The following TATDN2 variants were observed in gnomAD, a reference collection of about 807,000 sequenced individuals.
The protein encoded by TATDN2 is TatD DNase domain containing 2.
In TATDN2, 44 loss-of-function variants were observed where a neutral mutation model predicts 60.3. The observed-to-expected ratio is 0.73, with a 90% confidence interval of 0.57 to 0.94. The LOEUF is 0.94. TATDN2 is among the 40% of genes least tolerant of loss of function. The probability of loss-of-function intolerance (pLI) is 0.00; values close to 1 mark genes in which losing one functional copy is unlikely to be tolerated. For synonymous variants in TATDN2, 399 were observed against 355.8 expected (o/e 1.12, Z -1.37); for missense variants, 997 against 948.0 (o/e 1.05, Z -0.68).
At chr3:10,261,533 C>G (rs978654478) in intron 3 of TATDN2, among the ~76,000 whole-genome samples, 1 of 151,974 alleles carries the variant, frequency 6.6e-6, no homozygotes, top group Admixed American at 6.6e-5. Context: ...ACCAAACCGG[C>G]TAATTTTTGT....
Position 10,278,354 on chromosome 3 carries a change from G to A in TATDN2, c.2037G>A (p.Thr679=), listed in dbSNP as rs766522508. The stretch of plus-strand genomic sequence containing the variant: ...TTCCCAACATGTCTGTGGGCTTCAC[G>A]GCAGTGCTGACATACTCCTCTGCCT... ...KYFPNMSVGF[T]AVLTYSSAWE... Residue 679 remains threonine, a synonymous_variant, in exon 6 of 8, where the codon ACG becomes ACA. Coordinates refer to ENST00000448281, the MANE Select transcript of TATDN2 (RefSeq NM_014760.4). The surrounding 1 kb of genome is among the most constrained non-coding windows in gnomAD (Gnocchi z 4.7). 1.1e-5 allele frequency: 17 copies of A among 1,614,188 alleles called. No individual in the cohort carries two copies. Among genetic ancestry groups the A allele is most frequent in the Middle Eastern group, 1.6e-4 (1 of 6,062 alleles).
At position 10,276,492 on chromosome 3, in the gene TATDN2, A is replaced by AAC; in HGVS notation, c.1961+4_1961+5insAC. On this transcript the variant is annotated splice_donor_region_variant and intron_variant, in intron 5 of 7. Coordinates refer to ENST00000448281, the MANE Select transcript of TATDN2 (RefSeq NM_014760.4). ...CCCCTGACTACAAGATCCATAGGTT[A>AAC]GAAGACTGGAACTTCAGCGGGCAAA... 6.2e-7 allele frequency: 1 copy of AAC among 1,613,794 alleles called. No individual in the cohort carries two copies. Among genetic ancestry groups the AAC allele is most frequent in the Non-Finnish European group, 8.5e-7 (1 of 1,179,886 alleles).
chr3:10,249,450 T>G lies in TATDN2; in HGVS notation c.250T>G (p.Phe84Val). The change falls in exon 2 of 8, where the codon TTC becomes GTC. Residue 84 changes from phenylalanine (F) to valine (V), a missense_variant. Transcript: ENST00000448281. Reference protein sequence around the residue: ...SRRRNNSSSSFSPHFLGPGVG... With the variant: ...SRRRNNSSSSVSPHFLGPGVG... ...CCGCAGAAATAACTCCTCCTCCTCC[T>G]TCTCCCCACATTTCTTGGGCCCTGG... is the stretch of plus-strand genomic sequence containing the variant. The G allele has an allele frequency of 6.2e-7, 1 of 1,613,428 alleles. No homozygotes were observed. Among genetic ancestry groups the G allele is most frequent in the East Asian group, 2.2e-5 (1 of 44,878 alleles).
intron 4 of TATDN2, among the ~76,000 whole-genome samples, chr3:10,272,985 C>T (rs1361429433): frequency 6.6e-6 from 1 of 151,962 alleles, no homozygotes; most frequent in Non-Finnish European, 1.5e-5. Flanking sequence ...CTGCAGTGAC[C>T]CATGATTATG....
chr3:10,265,177 A>T (rs1698460359), intron 3 of TATDN2, among the ~76,000 whole-genome samples: 1 of 149,586 alleles, frequency 6.7e-6, no homozygotes, highest in Non-Finnish European at 1.5e-5. Flanking sequence ...CCTGGGTTCA[A>T]GCAATTCTCC....
chr3:10,276,512 G>C (rs112719528), intron 5 of TATDN2, 24 bp downstream of exon 5: 1 of 1,611,174 alleles, frequency 6.2e-7, no homozygotes, highest in Admixed American at 1.7e-5. Flanking sequence ...AACTTCAGCG[G>C]GCAAATGAAA....
intron 2 of TATDN2, among the ~76,000 whole-genome samples, chr3:10,250,391 A>G (rs1361102171): frequency 1.3e-5 from 2 of 152,004 alleles, no homozygotes; most frequent in Non-Finnish European, 2.9e-5. Context: ...AACAAAACAG[A>G]TCACTTTCCC....
At chr3:10,249,658 A>G (rs747531629) in intron 2 of TATDN2, 44 bp downstream of exon 2, 39 of 1,485,536 alleles carry the variant, frequency 2.6e-5, no homozygotes, top group Non-Finnish European at 3.2e-5. Flanking sequence ...CCCCTTCCAC[A>G]TGGCTTGAGA....
intron 4 of TATDN2, 101 bp downstream of exon 4, chr3:10,271,116 G>GA: frequency 7.0e-7 from 1 of 1,436,782 alleles, no homozygotes; most frequent in Non-Finnish European, 9.2e-7. Flanking sequence ...AAATAATTGA[G>GA]AATCCCTGAA....
rs370179145 is a variant in TATDN2, at chr3:10,265,573, T to TGGGGAGGCTGAGGCAGGATAATGG, written c.949-4557_949-4534dup. On this transcript the variant is annotated intron_variant, in intron 3 of 7. Transcript: ENST00000448281. The stretch of plus-strand genomic sequence containing the variant: ...GGCGTGCACCTGTAGTCCCAGGTGC[T>TGGGGAGGCTGAGGCAGGATAATGG]GGGGAGGCTGAGGCAGGATAATGGC... 7.9e-3 allele frequency among the ~76,000 whole-genome samples: 1,131 copies of TGGGGAGGCTGAGGCAGGATAATGG among 143,352 alleles called. 8 individuals are homozygous for TGGGGAGGCTGAGGCAGGATAATGG. The highest frequency in any genetic ancestry group is 0.029 in the South Asian group (131 of 4,568). The allele number at this position is 143,352 out of a possible 152,430, so 94.0% of individuals were successfully genotyped here.
Position 10,260,672 on chromosome 3 carries a change from T to C in TATDN2, c.948+2T>C. On this transcript the variant is annotated splice_donor_variant, in intron 3 of 7. Transcript: ENST00000448281. LOFTEE classifies it high-confidence loss of function. ...GACTCTCATTTAGAAATCCAAAAGG[T>C]GAGTAAAGCTTGTACCAGGCATCTG... is the stretch of plus-strand genomic sequence containing the variant. 4 of 1,609,518 alleles carry C rather than the reference T, an allele frequency of 2.5e-6. No homozygotes were observed. Among genetic ancestry groups the C allele is most frequent in the Non-Finnish European group, 3.4e-6 (4 of 1,177,744 alleles).
intron 3 of TATDN2, among the ~76,000 whole-genome samples, chr3:10,261,365 CTTTTTTTT>C (rs58599009): frequency 2.2e-5 from 3 of 134,036 alleles, no homozygotes; most frequent in East Asian, 2.3e-4. Context: ...CCATCTTTTT[CTTTTTTTT>C]TTTTTTTTTG....
chr3:10,255,840 G>T (rs534109019), intron 2 of TATDN2, among the ~76,000 whole-genome samples: 2 of 152,278 alleles, frequency 1.3e-5, no homozygotes, highest in East Asian at 3.9e-4. Flanking sequence ...TACTCAGGAG[G>T]CTGAGGCAGG....
At chr3:10,253,863 G>A (rs1034778328) in intron 2 of TATDN2, among the ~76,000 whole-genome samples, 1 of 152,234 alleles carries the variant, frequency 6.6e-6, no homozygotes, top group Non-Finnish European at 1.5e-5. Context: ...CATGCAGCTG[G>A]TAAATGGCCG....
At position 10,270,286 on chromosome 3, in the gene TATDN2, C is replaced by T; in HGVS notation, c.1104C>T (p.Val368=). The change falls in exon 4 of 8, where the codon GTC becomes GTT. Residue 368 remains valine, a synonymous_variant. Coordinates refer to ENST00000448281, the MANE Select transcript of TATDN2 (RefSeq NM_014760.4). The part of the protein sequence containing the change: ...PEPSSFTTDY[V]MYPPHLYSSP... ...CTTCTTCCTTCACCACCGACTATGT[C>T]ATGTACCCTCCTCATTTGTACAGTA... 1.9e-6 allele frequency: 3 copies of T among 1,614,218 alleles called. No homozygotes were observed. The highest frequency in any genetic ancestry group is 2.5e-6 in the Non-Finnish European group (3 of 1,180,044).
At chr3:10,250,778 A>G (rs1315169871) in intron 2 of TATDN2, among the ~76,000 whole-genome samples, 1 of 152,214 alleles carries the variant, frequency 6.6e-6, no homozygotes, top group Non-Finnish European at 1.5e-5. Flanking sequence ...AGGAATGCTG[A>G]ATTTGTCTCA....
rs1225659019 is a variant in TATDN2 at position 10,269,999 on chromosome 3, C to A, written c.949-132C>A. On this transcript the variant is annotated intron_variant, in intron 3 of 7. Transcript: ENST00000448281. ...TAAGGAAACCAGGTGACAGGGTGAG[C>A]TAATGAGCCAATGCAAAGCCATCAC... 4.3e-6 allele frequency: 5 copies of A among 1,156,662 alleles called. No homozygotes were observed. In the Admixed American group the frequency reaches 1.0e-4, roughly 24 times the overall value. The allele number at this position is 1,156,662 out of a possible 1,614,324, so 71.6% of individuals were successfully genotyped here. A position where few individuals can be genotyped will look rare whatever the true frequency, so the allele number is the denominator to read the frequency against.
At chr3:10,264,683 C>CTT (rs779677473) in intron 3 of TATDN2, among the ~76,000 whole-genome samples, 2 of 143,942 alleles carry the variant, frequency 1.4e-5, no homozygotes, top group Non-Finnish European at 1.5e-5. Flanking sequence ...ACTTTATCTT[C>CTT]TTTTTTTTTT....
rs1211114901 is a variant in TATDN2 at position 10,270,461 on chromosome 3, G to C, written c.1279G>C (p.Val427Leu). 3.1e-6 allele frequency: 5 copies of C among 1,614,206 alleles called. No homozygotes were observed. The highest frequency in any genetic ancestry group is 4.2e-6 in the Non-Finnish European group (5 of 1,180,042). Reference protein sequence around the residue: ...SDYSPNSTGSVQNTSRDMEAS... With the variant: ...SDYSPNSTGSLQNTSRDMEAS... ...TTATTCCCCCAACTCTACAGGGAGT[G>C]TCCAAAACACCTCCAGAGACATGGA... is the stretch of plus-strand genomic sequence containing the variant. Residue 427 changes from valine (V) to leucine (L), a missense_variant, in exon 4 of 8, where the codon GTC becomes CTC. Transcript: ENST00000448281.
Sources: allele counts gnomAD v4.1 joint callset (sites outside exome capture counted in the v4.1 genomes callset), GRCh38; gene constraint gnomAD v4.1.1; non-coding constraint Gnocchi (gnomAD v3.1); transcripts MANE v1.5; gene names NCBI Gene and HGNC (gene_info 2026-07-23, HGNC 2026-07-21).